The following BFAR variants were observed in gnomAD, a reference collection of about 807,000 sequenced individuals.
BFAR encodes RING finger protein 47.
A neutral mutation model predicts 54.4 loss-of-function variants in BFAR; 52 were observed. That is an observed-to-expected ratio of 0.96 (90% CI 0.77 to 1.21). The LOEUF (loss-of-function observed/expected upper bound fraction) is 1.21, where lower values mean the gene tolerates loss of function less well. BFAR is among the 50% of genes most tolerant of loss of function. The probability of loss-of-function intolerance (pLI) is 0.00; values close to 1 mark genes in which losing one functional copy is unlikely to be tolerated. For synonymous variants in BFAR, 215 were observed against 204.3 expected, an observed-to-expected ratio of 1.05 and a Z score of -0.45; for missense variants, 571 against 534.0, an observed-to-expected ratio of 1.07 and a Z score of -0.68.
intron 2 of BFAR, among the ~76,000 whole-genome samples, chr16:14,647,350 G>T (rs1158233839): frequency 6.6e-6 from 1 of 152,172 alleles, no homozygotes; most frequent in East Asian, 2.0e-4. Flanking sequence ...CTCCCAAAGT[G>T]CTGGGATTAC....
intron 5 of BFAR, among the ~76,000 whole-genome samples, chr16:14,660,452 A>G (rs528797947): frequency 3.8e-4 from 57 of 151,824 alleles, no homozygotes; most frequent in Admixed American, 2.0e-3. Context: ...AAGCCTAGCT[A>G]ATTTTTGTAT....
chr16:14,660,584 CTTTT>C (rs547361112), intron 5 of BFAR, among the ~76,000 whole-genome samples: 2 of 117,404 alleles, frequency 1.7e-5, no homozygotes, highest in African/African-American at 5.9e-5. Flanking sequence ...CGCACTCGGC[CTTTT>C]TTTTTTTTTT....
chr16:14,655,246 T>G, intron 5 of BFAR, 36 bp downstream of exon 5: 5 of 1,260,004 alleles, frequency 4.0e-6, no homozygotes, highest in Non-Finnish European at 5.1e-6. Context: ...TTTTTTACTT[T>G]TTATTTTTAT....
chr16:14,648,658 G>A, intron 3 of BFAR, 66 bp downstream of exon 3: 1 of 1,230,394 alleles, frequency 8.1e-7, no homozygotes, highest in Non-Finnish European at 1.2e-6. Context: ...GATTTCCACT[G>A]AAGTCAGTTC....
intron 6 of BFAR, among the ~76,000 whole-genome samples, chr16:14,663,553 G>A (rs866286170): frequency 1.3e-5 from 2 of 150,338 alleles, no homozygotes; most frequent in African/African-American, 2.4e-5. Flanking sequence ...GGATGGTCTT[G>A]ATCTCCTGAC....
chr16:14,656,530 C>T (rs888587154), intron 5 of BFAR, among the ~76,000 whole-genome samples: 3 of 151,572 alleles, frequency 2.0e-5, no homozygotes, highest in Non-Finnish European at 2.9e-5. Flanking sequence ...CCTGCCTGGG[C>T]CAGCTCCTCC....
chr16:14,668,870 C>A lies in BFAR; in HGVS notation c.*1043C>A. On this transcript the variant is annotated 3_prime_UTR_variant, in exon 8 of 8. Coordinates refer to ENST00000261658, the MANE Select transcript of BFAR (RefSeq NM_016561.3). ...AAAAAAATCATCTGTAAAATAAATT[C>A]CGGGATAGTCGTTTTGTTCAAGGAA... The A allele has an allele frequency of 1.2e-5, 2 of 166,798 alleles. No homozygotes were observed. The highest frequency in any genetic ancestry group is 1.2e-4 in the South Asian group (1 of 8,620). The allele number at this position is 166,798 out of a possible 1,614,324, so 10.3% of individuals were successfully genotyped here. A position where few individuals can be genotyped will look rare whatever the true frequency, so the allele number is the denominator to read the frequency against.
chr16:14,655,906 G>A (rs1008662144), intron 5 of BFAR, among the ~76,000 whole-genome samples: 1 of 152,084 alleles, frequency 6.6e-6, no homozygotes, highest in Non-Finnish European at 1.5e-5. Flanking sequence ...AGCACAGCAC[G>A]GTGGTCAAGA....
intron 4 of BFAR, among the ~76,000 whole-genome samples, chr16:14,651,432 A>G (rs896236113): frequency 1.3e-5 from 2 of 152,210 alleles, no homozygotes; most frequent in African/African-American, 4.8e-5. Flanking sequence ...GGAACCTCAC[A>G]TGCTCAGCTA....
chr16:14,633,484 G>C (rs1420782130), intron 1 of BFAR: 2 of 152,268 alleles, frequency 1.3e-5, no homozygotes, highest in East Asian at 3.8e-4. Context: ...AATTGTCGAG[G>C]CACGTTCCTG....
chr16:14,662,004 T>C lies in BFAR; in HGVS notation c.896T>C (p.Ile299Thr), dbSNP rs1243428635. The change falls in exon 6 of 8, where the codon ATC becomes ACC. Residue 299 changes from isoleucine to threonine, a missense_variant. Transcript: ENST00000261658. ...TACACCGACACCTTCCTACCTTTCATCCACACCATCTGCCCTCTGCAAGAA... is the reference window on the plus strand; with the variant it reads ...TACACCGACACCTTCCTACCTTTCACCCACACCATCTGCCCTCTGCAAGAA... ...FDYTDTFLPF[I>T]HTICPLQEDS... is the part of the protein sequence containing the mutation. 6.2e-7 allele frequency: 1 copy of C among 1,614,156 alleles called. No individual in the cohort carries two copies. Among genetic ancestry groups the C allele is most frequent in the Admixed American group, 1.7e-5 (1 of 60,002 alleles).
Position 14,644,290 on chromosome 16 carries a change from A to G in BFAR, c.-57A>G. On this transcript the variant is annotated 5_prime_UTR_variant, in exon 2 of 8. Transcript: ENST00000261658. ...TTTTTCTAGATTAATGATGTTTTGC[A>G]GCAGTTTTCTACGTCTGAAATTTTT... 6.6e-7 allele frequency: 1 copy of G among 1,519,174 alleles called. No homozygotes were observed. The highest frequency in any genetic ancestry group is 9.0e-7 in the Non-Finnish European group (1 of 1,113,414). 94.1% of individuals were successfully genotyped at this position (1,519,174 alleles called of 1,614,324 possible).
intron 2 of BFAR, among the ~76,000 whole-genome samples, chr16:14,645,908 G>A (rs1412400819): frequency 6.6e-6 from 1 of 151,938 alleles, no homozygotes; most frequent in African/African-American, 2.4e-5. Flanking sequence ...TCACTCTGTC[G>A]CTCAGGCTGG....
intron 1 of BFAR, among the ~76,000 whole-genome samples, chr16:14,643,602 C>G (rs1038961515): frequency 1.3e-5 from 2 of 152,052 alleles, no homozygotes; most frequent in Non-Finnish European, 2.9e-5. Flanking sequence ...AACTGCATCT[C>G]TACTAAAAAT....
intron 4 of BFAR, among the ~76,000 whole-genome samples, chr16:14,653,367 G>T (rs1257095893): frequency 6.6e-6 from 1 of 151,956 alleles, no homozygotes; most frequent in African/African-American, 2.4e-5. Flanking sequence ...CACTCTTGTT[G>T]CCCAGGCTGG....
At chr16:14,661,366 C>T (rs1355073980) in intron 5 of BFAR, among the ~76,000 whole-genome samples, 1 of 151,514 alleles carries the variant, frequency 6.6e-6, no homozygotes, top group Non-Finnish European at 1.5e-5. Flanking sequence ...TTCACCCCTC[C>T]CCCCAGCTAG....
Position 14,644,569 on chromosome 16 carries a change from GA to G in BFAR, c.228del (p.Lys76AsnfsTer26). 6.2e-7 allele frequency: 1 copy of G among 1,613,282 alleles called. No individual in the cohort carries two copies. Among genetic ancestry groups the G allele is most frequent in the Non-Finnish European group, 8.5e-7 (1 of 1,179,904 alleles). ...GAAAACAGAATGTCCAGAATGCAGAGAAAAATGGGAAGGTTTCCCCAAAGTC... is the reference window on the plus strand; with the variant it reads ...GAAAACAGAATGTCCAGAATGCAGAGAAAATGGGAAGGTTTCCCCAAAGTC... ...SKKTECPECR[E>X]KWEGFPKVSI... On this transcript the variant is annotated frameshift_variant, in exon 2 of 8. Coordinates refer to ENST00000261658, the MANE Select transcript of BFAR (RefSeq NM_016561.3). LOFTEE classifies it high-confidence loss of function.
At chr16:14,639,117 G>A (rs996442242) in intron 1 of BFAR, among the ~76,000 whole-genome samples, 1 of 152,048 alleles carries the variant, frequency 6.6e-6, no homozygotes, top group African/African-American at 2.4e-5. Context: ...TAGATCCATA[G>A]ATGATCATTC....
At position 14,636,002 on chromosome 16, in the gene BFAR, T is replaced by G. The variant is rs1395054248; in HGVS notation, c.-74+2984T>G. ...TTGCGGTTCCTGAACCTTGCCTTGC[T>G]TACATTTGAGCACGTTTTAATTTTG... On this transcript the variant is annotated intron_variant, in intron 1 of 7. Coordinates refer to ENST00000261658, the MANE Select transcript of BFAR (RefSeq NM_016561.3). 3.9e-5 allele frequency among the ~76,000 whole-genome samples: 6 copies of G among 152,330 alleles called. No individual in the cohort carries two copies. In the East Asian group the frequency reaches 1.2e-3, roughly 29 times the overall value.
Sources: allele counts gnomAD v4.1 joint callset (sites outside exome capture counted in the v4.1 genomes callset), GRCh38; gene constraint gnomAD v4.1.1; transcripts MANE v1.5; gene names NCBI Gene and HGNC (gene_info 2026-07-23, HGNC 2026-07-21).